The following CNTN4 variants were observed in gnomAD, a reference collection of about 807,000 sequenced individuals.
The protein encoded by CNTN4 is contactin-4.
CNTN4 carries 77 observed loss-of-function variants against 122.5 expected under a neutral mutation model. That is an observed-to-expected ratio of 0.63 (90% CI 0.52 to 0.76). The LOEUF is 0.76. CNTN4 is among the 30% of genes least tolerant of loss of function. The pLI is 0.00. For synonymous variants in CNTN4, 512 were observed against 447.0 expected (o/e 1.15, Z -1.83); for missense variants, 1,256 against 1,259.1 (o/e 1.00, Z 0.04).
intron 3 of CNTN4, among the ~76,000 whole-genome samples, chr3:2,356,276 C>T (rs1160873625): frequency 6.6e-6 from 1 of 152,148 alleles, no homozygotes; most frequent in Non-Finnish European, 1.5e-5. Flanking sequence ...ATAGGCAGAG[C>T]AGTGGCATGT....
chr3:2,621,962 C>A (rs143696140), intron 4 of CNTN4, among the ~76,000 whole-genome samples: 1 of 152,114 alleles, frequency 6.6e-6, no homozygotes, highest in Non-Finnish European at 1.5e-5. Context: ...TATCCAGACT[C>A]GGTGTGCTCT....
Position 3,040,452 on chromosome 3 carries a change from G to A in CNTN4, c.2398+181G>A, listed in dbSNP as rs235145. ...ACCATGAATCTCTTGAAAAGATAGC[G>A]ACTGCTCTGTATATGAAAACACTTG... On this transcript the variant is annotated intron_variant, in intron 20 of 24. Coordinates refer to ENST00000418658, the MANE Select transcript of CNTN4 (RefSeq NM_175607.3). 65,042 of 644,360 alleles carry A rather than the reference G, an allele frequency of 0.1. 4,651 individuals carry two copies. Among genetic ancestry groups the A allele is most frequent in the African/African-American group, 0.28 (15,871 of 55,778 alleles). The allele number at this position is 644,360 out of a possible 1,614,324, so 39.9% of individuals were successfully genotyped here.
At chr3:2,799,242 C>T (rs2092287672) in intron 6 of CNTN4, among the ~76,000 whole-genome samples, 1 of 151,972 alleles carries the variant, frequency 6.6e-6, no homozygotes. Context: ...GATATTAGTT[C>T]CTTGTTGGAT....
chr3:2,870,902 C>T (rs941858500), intron 8 of CNTN4, among the ~76,000 whole-genome samples: 14 of 152,100 alleles, frequency 9.2e-5, no homozygotes, highest in African/African-American at 3.4e-4. Flanking sequence ...AACAGTGAAC[C>T]TTGGCTCAGT....
rs756981433 is a variant in CNTN4, at chr3:2,410,697, T to C, written c.-89+71464T>C. 4.9e-4 allele frequency among the ~76,000 whole-genome samples: 74 copies of C among 152,314 alleles called. 1 individual carries two copies. Among genetic ancestry groups the C allele is most frequent in the Middle Eastern group, 3.4e-3 (1 of 294 alleles). ...CAGCACAGAAAACCAATTTCAGATA[T>C]ATTTTCAATGTTATTGCTTTAGAAT... On this transcript the variant is annotated intron_variant, in intron 3 of 24. Transcript: ENST00000418658.
chr3:2,381,545 C>T (rs1372440807), intron 3 of CNTN4, among the ~76,000 whole-genome samples: 2 of 152,050 alleles, frequency 1.3e-5, no homozygotes, highest in African/African-American at 4.8e-5. Context: ...AATCTGAAGT[C>T]AAAAGATATA....
rs1238775177 is a variant in CNTN4 at position 2,512,991 on chromosome 3, C to T, written c.-88-58425C>T. Among the ~76,000 whole-genome samples the T allele has an allele frequency of 3.3e-5, 5 of 152,142 alleles. No individual in the cohort carries two copies. The East Asian group carries it at 7.7e-4, about 23-fold the overall frequency. ...AGATGGTTGTCTACATGAGCACAGGCATTTTCAGAGCTTGAGATTTGGAGG... is the reference window on the plus strand; with the variant it reads ...AGATGGTTGTCTACATGAGCACAGGTATTTTCAGAGCTTGAGATTTGGAGG... On this transcript the variant is annotated intron_variant, in intron 3 of 24. Transcript: ENST00000418658.
chr3:2,524,202 G>A (rs777636030), intron 3 of CNTN4, among the ~76,000 whole-genome samples: 1 of 151,894 alleles, frequency 6.6e-6, no homozygotes, highest in Non-Finnish European at 1.5e-5. Flanking sequence ...TCTGTGCCTC[G>A]TCTGGATGTT....
rs9861058 is a variant in CNTN4, at chr3:2,508,210, G to A, written c.-88-63206G>A. Reference sequence around the variant, plus strand: ...TCCATTGCTTTTGGTTGGAAAAGAAGGTTCAATCATTGCTGCATAGATTAT... The same window carrying A: ...TCCATTGCTTTTGGTTGGAAAAGAAAGTTCAATCATTGCTGCATAGATTAT... On this transcript the variant is annotated intron_variant, in intron 3 of 24. Transcript: ENST00000418658. 9.6e-3 allele frequency among the ~76,000 whole-genome samples: 1,459 copies of A among 152,178 alleles called. 27 individuals carry two copies. Among genetic ancestry groups the A allele is most frequent in the African/African-American group, 0.033 (1,367 of 41,520 alleles).
At chr3:2,439,483 T>C (rs1049251284) in intron 3 of CNTN4, among the ~76,000 whole-genome samples, 3 of 152,146 alleles carry the variant, frequency 2.0e-5, no homozygotes, top group Admixed American at 6.6e-5. Context: ...TTTCCTCATG[T>C]CAGTGATGAT....
At position 2,723,298 on chromosome 3, in the gene CNTN4, G is replaced by A. The variant is rs534293034; in HGVS notation, c.56-12917G>A. Among the ~76,000 whole-genome samples, 9 of 152,176 alleles carry A rather than the reference G, an allele frequency of 5.9e-5. No homozygotes were observed. In the South Asian group the frequency reaches 1.9e-3, roughly 32 times the overall value. On this transcript the variant is annotated intron_variant, in intron 4 of 24. Transcript: ENST00000418658. The stretch of plus-strand genomic sequence containing the variant: ...TTTGTTTACTCGCCTCAAAAAGTGG[G>A]GTTTGATAAAAATCTGAACTCACTC...
intron 13 of CNTN4, among the ~76,000 whole-genome samples, chr3:2,931,360 C>A (rs1391135205): frequency 9.0e-6 from 1 of 110,518 alleles, no homozygotes; most frequent in Non-Finnish European, 2.2e-5. Context: ...ATGGCAGTTC[C>A]TAATACCACT....
intron 4 of CNTN4, among the ~76,000 whole-genome samples, chr3:2,694,508 T>A (rs570836495): frequency 1.3e-5 from 2 of 152,280 alleles, no homozygotes; most frequent in South Asian, 2.1e-4. Context: ...TTTAGGTGGA[T>A]CACTTTAGGT....
intron 12 of CNTN4, among the ~76,000 whole-genome samples, chr3:2,922,097 A>G (rs1429570152): frequency 6.6e-6 from 1 of 152,192 alleles, no homozygotes; most frequent in Non-Finnish European, 1.5e-5. Context: ...TAAGTATATT[A>G]AATACAGCAA....
At chr3:2,723,009 G>A (rs1032073623) in intron 4 of CNTN4, among the ~76,000 whole-genome samples, 2 of 152,058 alleles carry the variant, frequency 1.3e-5, no homozygotes, top group African/African-American at 4.8e-5. Context: ...ACTTTCACTT[G>A]TTTCCTTCTA....
At chr3:2,658,950 CCACACACACAAACAGACACACACA>C (rs1197211853) in intron 4 of CNTN4, among the ~76,000 whole-genome samples, 1 of 120,414 alleles carries the variant, frequency 8.3e-6, no homozygotes, top group East Asian at 2.4e-4. Flanking sequence ...AATAACACAC[CCACACACACAAACAGACACACACA>C]CACACACACA....
intron 6 of CNTN4, among the ~76,000 whole-genome samples, chr3:2,785,107 A>G (rs114230743): frequency 2.0e-3 from 275 of 140,422 alleles, no homozygotes; most frequent in Non-Finnish European, 3.6e-3. Flanking sequence ...ACACATTTGT[A>G]CATGCGTACA....
chr3:2,774,473 G>T (rs1031177503), intron 6 of CNTN4, among the ~76,000 whole-genome samples: 1 of 152,042 alleles, frequency 6.6e-6, no homozygotes, highest in African/African-American at 2.4e-5. Context: ...TTCCTTGTGT[G>T]CATCAAAATG....
At chr3:2,151,139 G>T (rs992693735) in intron 2 of CNTN4, among the ~76,000 whole-genome samples, 4 of 152,106 alleles carry the variant, frequency 2.6e-5, no homozygotes, top group African/African-American at 9.7e-5. Flanking sequence ...TGGCCGGGCT[G>T]GTCTGGAACT....
Sources: allele counts gnomAD v4.1 joint callset (sites outside exome capture counted in the v4.1 genomes callset), GRCh38; gene constraint gnomAD v4.1.1; transcripts MANE v1.5; gene names NCBI Gene and HGNC (gene_info 2026-07-23, HGNC 2026-07-21).